TECRL: variants seen among roughly 807,000 people sequenced by gnomAD.
The protein encoded by TECRL is trans-2,3-enoyl-CoA reductase like, also known as trans-2,3-enoyl-CoA reductase-like.
A neutral mutation model predicts 52.8 loss-of-function variants in TECRL; 63 were observed. That is an observed-to-expected ratio of 1.19 (90% CI 0.97 to 1.47). The LOEUF (loss-of-function observed/expected upper bound fraction) is 1.47. Ranked by LOEUF, TECRL falls within the 40% of genes most tolerant of loss-of-function variation. The pLI is 0.00. For missense variants in TECRL, 482 were observed against 429.6 expected, an observed-to-expected ratio of 1.12 and a Z score of -1.08; for synonymous variants, 164 against 141.9, an observed-to-expected ratio of 1.16 and a Z score of -1.10.
chr4:64,290,020 A>G (rs576740466), intron 8 of TECRL, among the ~76,000 whole-genome samples: 2 of 152,308 alleles, frequency 1.3e-5, no homozygotes, highest in Non-Finnish European at 2.9e-5. Flanking sequence ...TTGATAATCA[A>G]GTTTAAACTG....
At chr4:64,372,371 T>C (rs1335273960) in intron 2 of TECRL, among the ~76,000 whole-genome samples, 1 of 151,840 alleles carries the variant, frequency 6.6e-6, no homozygotes, top group Non-Finnish European at 1.5e-5. Context: ...TGTAGTTTTA[T>C]ATGCTTCTGT....
chr4:64,328,321 G>A (rs1718398469), intron 3 of TECRL, among the ~76,000 whole-genome samples, 191 bp downstream of exon 3: 1 of 151,924 alleles, frequency 6.6e-6, no homozygotes, highest in Non-Finnish European at 1.5e-5. Context: ...CTCACAGACA[G>A]TGAATATGTA....
intron 1 of TECRL, among the ~76,000 whole-genome samples, chr4:64,397,408 T>G (rs1327119140): frequency 6.6e-6 from 1 of 151,976 alleles, no homozygotes; most frequent in Non-Finnish European, 1.5e-5. Flanking sequence ...CTAAGATGAA[T>G]GTTTAGATCC....
At chr4:64,296,629 T>C (rs748574863) in intron 8 of TECRL, among the ~76,000 whole-genome samples, 7 of 151,766 alleles carry the variant, frequency 4.6e-5, no homozygotes, top group Non-Finnish European at 1.0e-4. Flanking sequence ...TGGCAAACTT[T>C]AATTGCTTCT....
intron 4 of TECRL, among the ~76,000 whole-genome samples, chr4:64,321,043 T>C (rs1468692747): frequency 6.6e-6 from 1 of 152,106 alleles, no homozygotes; most frequent in African/African-American, 2.4e-5. Context: ...CTTACTGTAC[T>C]GCAAACACGA....
In TECRL at chr4:64,347,002, A is replaced by C. The variant is rs113919925; in HGVS notation, c.287-18446T>G. On this transcript the variant is annotated intron_variant, in intron 2 of 11. Transcript: ENST00000381210. ...TACGTCTGTACAGTTTCTACCCAGAATTGTGTTATTTGACATTCAGTCAGG... is the reference window on the plus strand; with the variant it reads ...TACGTCTGTACAGTTTCTACCCAGACTTGTGTTATTTGACATTCAGTCAGG... 8.8e-3 allele frequency among the ~76,000 whole-genome samples: 1,346 copies of C among 152,266 alleles called. 18 individuals carry two copies. Among genetic ancestry groups the C allele is most frequent in the African/African-American group, 0.031 (1,278 of 41,554 alleles).
At chr4:64,327,663 A>T (rs963342623) in intron 3 of TECRL, among the ~76,000 whole-genome samples, 2 of 152,088 alleles carry the variant, frequency 1.3e-5, no homozygotes, top group African/African-American at 2.4e-5. Context: ...TGTTTTGAAC[A>T]TACAGTTCTC....
intron 7 of TECRL, among the ~76,000 whole-genome samples, chr4:64,300,449 T>A (rs1723950250): frequency 6.6e-6 from 1 of 150,758 alleles, no homozygotes; most frequent in African/African-American, 2.4e-5. Context: ...ATAAGTATTT[T>A]ATATTTTTAT....
At chr4:64,358,297 T>G (rs1446708997) in intron 2 of TECRL, among the ~76,000 whole-genome samples, 3 of 151,816 alleles carry the variant, frequency 2.0e-5, no homozygotes, top group Non-Finnish European at 4.4e-5. Context: ...ATGTCATAAA[T>G]GTTTAGGAAA....
intron 1 of TECRL, among the ~76,000 whole-genome samples, chr4:64,394,408 G>A (rs983482376): frequency 2.0e-5 from 3 of 152,066 alleles, no homozygotes; most frequent in African/African-American, 7.2e-5. Flanking sequence ...TTCGATAATT[G>A]TAGTGGACAT....
chr4:64,379,792 T>C (rs1287427620), intron 1 of TECRL, among the ~76,000 whole-genome samples: 1 of 152,158 alleles, frequency 6.6e-6, no homozygotes, highest in Non-Finnish European at 1.5e-5. Context: ...TAATGACTTC[T>C]AGTTCCATCT....
intron 2 of TECRL, among the ~76,000 whole-genome samples, chr4:64,365,700 T>C (rs1721546549): frequency 1.3e-5 from 2 of 151,694 alleles, no homozygotes; most frequent in South Asian, 2.1e-4. Flanking sequence ...ACAATAAGAA[T>C]TACAAAACAC....
At chr4:64,357,263 T>C (rs1720837418) in intron 2 of TECRL, among the ~76,000 whole-genome samples, 3 of 151,916 alleles carry the variant, frequency 2.0e-5, no homozygotes, top group African/African-American at 7.2e-5. Flanking sequence ...GTATACAGCA[T>C]CATATTGGAT....
Position 64,375,221 on chromosome 4 carries a change from C to A in TECRL, c.237G>T (p.Val79=), listed in dbSNP as rs1382344863. 5.0e-6 allele frequency: 7 copies of A among 1,402,462 alleles called. No homozygotes were observed. The South Asian group carries it at 6.3e-5, about 13-fold the overall frequency. The allele number at this position is 1,402,462 out of a possible 1,614,324, so 86.9% of individuals were successfully genotyped here. ...CATCATGAATAGTAGATGATTGTGT[C>A]ACCTGAAAAGGAAAAGAAAATAGAG... The part of the protein sequence containing the change: ...TRKQICILDK[V]TQSSTIHDVK... Residue 79 remains valine, a splice_region_variant and synonymous_variant, in exon 2 of 12, where the codon GTG becomes GTT. Transcript: ENST00000381210.
intron 3 of TECRL, among the ~76,000 whole-genome samples, chr4:64,324,962 C>T (rs569318542): frequency 1.0e-3 from 152 of 152,168 alleles, no homozygotes; most frequent in Non-Finnish European, 1.7e-3. Flanking sequence ...AATTATATTG[C>T]ATGGCTTTAA....
intron 2 of TECRL, among the ~76,000 whole-genome samples, chr4:64,355,824 A>C (rs1720734894): frequency 6.7e-6 from 1 of 149,798 alleles, no homozygotes; most frequent in African/African-American, 2.4e-5. Flanking sequence ...TTAAAACATT[A>C]ATTATAAAAA....
intron 1 of TECRL, among the ~76,000 whole-genome samples, chr4:64,384,010 C>T (rs1350733063): frequency 6.6e-6 from 1 of 151,872 alleles, no homozygotes. Flanking sequence ...TCCGTATTGT[C>T]TATGTGGTAC....
chr4:64,315,322 G>A (rs1304871408), intron 4 of TECRL, among the ~76,000 whole-genome samples: 1 of 152,010 alleles, frequency 6.6e-6, no homozygotes, highest in Non-Finnish European at 1.5e-5. Flanking sequence ...ACTTTTGAGT[G>A]CTTGAGCTGA....
chr4:64,289,776 C>G lies in TECRL; in HGVS notation c.775-9G>C, dbSNP rs746115124. 6.5e-7 allele frequency: 1 copy of G among 1,540,402 alleles called. No homozygotes were observed. Among genetic ancestry groups the G allele is most frequent in the Non-Finnish European group, 8.7e-7 (1 of 1,152,624 alleles). On this transcript the variant is annotated splice_polypyrimidine_tract_variant and intron_variant, in intron 8 of 11. Transcript: ENST00000381210. The stretch of plus-strand genomic sequence containing the variant: ...TTCCCAGCTTCACAAATCTGCAAAA[C>G]ATTTTAAACACTTTCAGTGTGATAC...
Sources: gnomAD v4.1 joint callset for allele counts (sites outside exome capture counted in the v4.1 genomes callset) on GRCh38, gnomAD v4.1.1 for gene constraint, MANE v1.5 for transcripts, NCBI Gene and HGNC (gene_info 2026-07-23, HGNC 2026-07-21) for gene names.